The following TPCN2 variants were observed in gnomAD, a reference collection of about 807,000 sequenced individuals.
TPCN2 encodes two pore channel protein 2.
A neutral mutation model predicts 111.4 loss-of-function variants in TPCN2; 92 were observed. That is an observed-to-expected ratio of 0.83 (90% CI 0.70 to 0.98). The LOEUF is 0.98. TPCN2 is among the 50% of genes least tolerant of loss of function. TPCN2 has a pLI of 0.00. For missense variants in TPCN2, 995 were observed against 980.1 expected, an observed-to-expected ratio of 1.02 and a Z score of -0.20; for synonymous variants, 405 against 414.5, an observed-to-expected ratio of 0.98 and a Z score of 0.28.
In TPCN2 at chr11:69,067,580, G is replaced by C. The variant is rs1005836346; in HGVS notation, c.804G>C (p.Leu268=). 6 of 1,613,848 alleles carry C rather than the reference G, an allele frequency of 3.7e-6. No individual in the cohort carries two copies. The African/African-American group carries it at 6.7e-5, about 18-fold the overall frequency. ...LPESLTSLLV[L]LTTANNPDVM... is the part of the protein sequence containing the mutation. ...AGTCTCTGACTTCCCTCCTGGTGCT[G>C]CTGACCACGGCCAACAACCCCGATG... Residue 268 remains leucine (L), a synonymous_variant, in exon 8 of 25, where the codon CTG becomes CTC. Coordinates refer to ENST00000294309, the MANE Select transcript of TPCN2 (RefSeq NM_139075.4).
In TPCN2 at chr11:69,089,803, T is replaced by C. The variant is rs557189185; in HGVS notation, c.*1850T>C. On this transcript the variant is annotated 3_prime_UTR_variant, in exon 25 of 25. Transcript: ENST00000294309. ...TTTTCCTTCCTTCCTTGCTCCCACCTGTGTGGATCCTGGTCCCTTCTTGTA... is the reference window on the plus strand; with the variant it reads ...TTTTCCTTCCTTCCTTGCTCCCACCCGTGTGGATCCTGGTCCCTTCTTGTA... The C allele has an allele frequency of 3.3e-5, 5 of 152,450 alleles. No homozygotes were observed. In the East Asian group the frequency reaches 9.6e-4, roughly 29 times the overall value. The allele number at this position is 152,450 out of a possible 1,614,324, so 9.4% of individuals were successfully genotyped here. A position where few individuals can be genotyped will look rare whatever the true frequency, so the allele number is the denominator to read the frequency against.
chr11:69,078,453 G>C (rs756207194), intron 13 of TPCN2, 29 bp from the exon 14 acceptor site: 1 of 1,613,214 alleles, frequency 6.2e-7, no homozygotes, highest in Non-Finnish European at 8.5e-7. Flanking sequence ...GCTGGCCTGT[G>C]CTTCTGAGCA....
chr11:69,061,264 A>C (rs1310531506), intron 5 of TPCN2, among the ~76,000 whole-genome samples: 1 of 152,120 alleles, frequency 6.6e-6, no homozygotes, highest in African/African-American at 2.4e-5. Flanking sequence ...CTGGGCAGAC[A>C]CTGGCAGCTT....
In TPCN2 at chr11:69,048,969, A is replaced by AG. The variant is rs1277828029; in HGVS notation, c.-26dup. On this transcript the variant is annotated 5_prime_UTR_variant, in exon 1 of 25. Transcript: ENST00000294309. ...GGCGCCTTCGGGGCTTGAGCTTCTG[A>AG]GGGTCGGGTCCAGCGCGTGGGCTGC... 8.2e-7 allele frequency: 1 copy of AG among 1,223,578 alleles called. No individual in the cohort carries two copies. The highest frequency in any genetic ancestry group is 1.0e-6 in the Non-Finnish European group (1 of 976,714). 75.8% of individuals were successfully genotyped at this position (1,223,578 alleles called of 1,614,324 possible). A position where few individuals can be genotyped will look rare whatever the true frequency, so the allele number is the denominator to read the frequency against.
intron 24 of TPCN2, 34 bp downstream of exon 24, chr11:69,087,240 C>A: frequency 1.2e-6 from 2 of 1,600,036 alleles, no homozygotes; most frequent in East Asian, 2.2e-5. Flanking sequence ...CTGTCTGGCC[C>A]CCTGGGATGG....
chr11:69,057,501 G>A (rs73514485), intron 4 of TPCN2, 77 bp from the exon 5 acceptor site: 38 of 1,365,406 alleles, frequency 2.8e-5, no homozygotes, highest in East Asian at 4.6e-5. Context: ...TGGTCCCTGC[G>A]CTGCGCACCG....
chr11:69,049,026 C>T lies in TPCN2; in HGVS notation c.29C>T (p.Pro10Leu), dbSNP rs1448992745. 1 of 1,241,104 alleles carries T rather than the reference C, an allele frequency of 8.1e-7. No individual in the cohort carries two copies. Among genetic ancestry groups the T allele is most frequent in the South Asian group, 4.1e-5 (1 of 24,570 alleles). 76.9% of individuals were successfully genotyped at this position (1,241,104 alleles called of 1,614,324 possible). The change falls in exon 1 of 25, where the codon CCC becomes CTC. Residue 10 changes from proline to leucine, a missense_variant. Physicochemically the swap from Pro to Leu is moderately conservative, Grantham distance 98. Transcript: ENST00000294309. MAEPQAESE[P>L]LLGGARGGGG... Reference sequence around the variant, plus strand: ...GCGGAACCCCAGGCGGAGTCGGAGCCCCTGCTGGGCGGGGCCCGCGGCGGT... The same window carrying T: ...GCGGAACCCCAGGCGGAGTCGGAGCTCCTGCTGGGCGGGGCCCGCGGCGGT...
intron 18 of TPCN2, among the ~76,000 whole-genome samples, chr11:69,082,897 G>A (rs35617007): frequency 1.3e-5 from 2 of 148,384 alleles, no homozygotes; most frequent in South Asian, 4.3e-4. Context: ...TGCACACATC[G>A]CGTGCAGATA....
rs765273045 is a variant in TPCN2 at position 69,087,981 on chromosome 11, G to A, written c.*28G>A. 1.9e-5 allele frequency: 30 copies of A among 1,588,896 alleles called. No homozygotes were observed. Among genetic ancestry groups the A allele is most frequent in the Admixed American group, 5.3e-5 (3 of 56,120 alleles). Reference sequence around the variant, plus strand: ...TCCGGGCTGCCGTCCCAGCAGGGGCGGCAGGAGAGAGAGGCTGGCCTACAC... The same window carrying A: ...TCCGGGCTGCCGTCCCAGCAGGGGCAGCAGGAGAGAGAGGCTGGCCTACAC... On this transcript the variant is annotated 3_prime_UTR_variant, in exon 25 of 25. Coordinates refer to ENST00000294309, the MANE Select transcript of TPCN2 (RefSeq NM_139075.4).
chr11:69,058,374 C>T (rs879715023), intron 5 of TPCN2, among the ~76,000 whole-genome samples: 5 of 151,980 alleles, frequency 3.3e-5, no homozygotes, highest in African/African-American at 4.8e-5. Flanking sequence ...GGGCAGGGGA[C>T]GGGGGAGAGA....
chr11:69,054,166 G>A (rs892572582), intron 2 of TPCN2, 69 bp downstream of exon 2: 21 of 1,363,668 alleles, frequency 1.5e-5, no homozygotes, highest in Non-Finnish European at 2.0e-5. Context: ...CGCCCCTCCA[G>A]GGGCGACTGA....
In TPCN2 at chr11:69,085,303, G is replaced by T. The variant is rs375953769; in HGVS notation, c.1838+17G>T. Reference sequence around the variant, plus strand: ...AAACAGCAGGTGAGGTGGGGTCCGAGGTGCCACAGGGAGTGTCTCAGGGGT... The same window carrying T: ...AAACAGCAGGTGAGGTGGGGTCCGATGTGCCACAGGGAGTGTCTCAGGGGT... On this transcript the variant is annotated intron_variant, in intron 20 of 24. Transcript: ENST00000294309. 6.2e-7 allele frequency: 1 copy of T among 1,612,582 alleles called. No individual in the cohort carries two copies. Among genetic ancestry groups the T allele is most frequent in the Non-Finnish European group, 8.5e-7 (1 of 1,178,828 alleles).
chr11:69,085,004 T>C (rs1387426199), intron 19 of TPCN2, among the ~76,000 whole-genome samples: 1 of 152,168 alleles, frequency 6.6e-6, no homozygotes, highest in Non-Finnish European at 1.5e-5. Context: ...CACGCCTGCC[T>C]GAGCCCCACT....
At position 69,088,032 on chromosome 11, in the gene TPCN2, C is replaced by T; in HGVS notation, c.*79C>T. 1 of 1,289,820 alleles carries T rather than the reference C, an allele frequency of 7.8e-7. No individual in the cohort carries two copies. The highest frequency in any genetic ancestry group is 1.1e-6 in the Non-Finnish European group (1 of 932,110). 79.9% of individuals were successfully genotyped at this position (1,289,820 alleles called of 1,614,324 possible). On this transcript the variant is annotated 3_prime_UTR_variant, in exon 25 of 25. Coordinates refer to ENST00000294309, the MANE Select transcript of TPCN2 (RefSeq NM_139075.4). ...AGGTGCCCGTCATGGAAGAGGCGGC[C>T]ATGCTGTGGCCAGCCAGGCAGGAAG...
intron 5 of TPCN2, among the ~76,000 whole-genome samples, chr11:69,061,990 C>A (rs924726486): frequency 6.6e-6 from 1 of 151,816 alleles, no homozygotes; most frequent in African/African-American, 2.4e-5. Context: ...AAAGCAAGAC[C>A]TGAGGCTGGG....
At chr11:69,060,832 C>A (rs1210275988) in intron 5 of TPCN2, among the ~76,000 whole-genome samples, 1 of 152,192 alleles carries the variant, frequency 6.6e-6, no homozygotes, top group Non-Finnish European at 1.5e-5. Flanking sequence ...GGCCCTAAGA[C>A]CAGAGTTTCC....
chr11:69,058,131 C>G (rs560455512), intron 5 of TPCN2, among the ~76,000 whole-genome samples: 1 of 152,224 alleles, frequency 6.6e-6, no homozygotes, highest in African/African-American at 2.4e-5. Flanking sequence ...CCCTTTCCAC[C>G]GCAGTGCCTT....
At chr11:69,052,183 T>G (rs1378924861) in intron 1 of TPCN2, among the ~76,000 whole-genome samples, 2 of 152,126 alleles carry the variant, frequency 1.3e-5, no homozygotes, top group Non-Finnish European at 2.9e-5. Context: ...GTCCTGGGGC[T>G]GGAGTGAGGC....
At chr11:69,052,215 C>G (rs1053544106) in intron 1 of TPCN2, among the ~76,000 whole-genome samples, 4 of 152,136 alleles carry the variant, frequency 2.6e-5, no homozygotes, top group South Asian at 2.1e-4. Flanking sequence ...CCGCTTGTCT[C>G]TTGTCTAAGA....
Sources: allele counts gnomAD v4.1 joint callset (sites outside exome capture counted in the v4.1 genomes callset), GRCh38; gene constraint gnomAD v4.1.1; transcripts MANE v1.5; gene names NCBI Gene and HGNC (gene_info 2026-07-23, HGNC 2026-07-21).